Variants in GTF2E2 observed in about 807,000 individuals in gnomAD.
The protein encoded by GTF2E2 is transcription initiation factor IIE subunit beta.
A neutral mutation model predicts 40.5 loss-of-function variants in GTF2E2; 21 were observed. The ratio of observed to expected loss-of-function variants is 0.52; its 90% CI spans 0.37 to 0.75. The LOEUF (loss-of-function observed/expected upper bound fraction) is 0.75, where lower values mean the gene tolerates loss of function less well. GTF2E2 is among the 30% of genes least tolerant of loss of function. The pLI, the probability that GTF2E2 is intolerant of heterozygous loss-of-function variation, is 0.00. For missense variants in GTF2E2, 298 were observed against 338.4 expected, an observed-to-expected ratio of 0.88 and a Z score of 0.94; for synonymous variants, 117 against 121.6, an observed-to-expected ratio of 0.96 and a Z score of 0.25.
chr8:30,638,191 C>A (rs1421191087), intron 2 of GTF2E2, among the ~76,000 whole-genome samples: 1 of 151,988 alleles, frequency 6.6e-6, no homozygotes, highest in Non-Finnish European at 1.5e-5. Context: ...AAAGGAAGAA[C>A]AAGAAAAATT....
At chr8:30,642,487 AATAAT>A (rs1374879199) in intron 2 of GTF2E2, among the ~76,000 whole-genome samples, 2 of 152,168 alleles carry the variant, frequency 1.3e-5, no homozygotes, top group African/African-American at 2.4e-5. Flanking sequence ...GTTTCAAATA[AATAAT>A]ATATTTAAAT....
intron 2 of GTF2E2, among the ~76,000 whole-genome samples, chr8:30,642,129 T>G (rs758424045): frequency 9.2e-5 from 14 of 152,218 alleles, no homozygotes; most frequent in Non-Finnish European, 2.1e-4. Context: ...AAAGTAAGTT[T>G]ATTAAGAAAG....
intron 3 of GTF2E2, among the ~76,000 whole-genome samples, chr8:30,619,270 C>A (rs1158099793): frequency 6.6e-6 from 1 of 152,062 alleles, no homozygotes; most frequent in Non-Finnish European, 1.5e-5. Flanking sequence ...ACTTTGAGTG[C>A]TGTTTTATAA....
intron 6 of GTF2E2, among the ~76,000 whole-genome samples, chr8:30,593,550 T>C (rs554764472): frequency 3.3e-5 from 5 of 152,386 alleles, no homozygotes; most frequent in African/African-American, 1.2e-4. Context: ...TGGAGTGCAG[T>C]GGCACAGTCA....
chr8:30,639,477 ATAAAC>A (rs1250483724), intron 2 of GTF2E2, among the ~76,000 whole-genome samples: 2 of 152,180 alleles, frequency 1.3e-5, no homozygotes, highest in African/African-American at 4.8e-5. Flanking sequence ...AGTCCTTTTG[ATAAAC>A]TGCATTTTAA....
At chr8:30,595,649 G>T (rs1261047863) in intron 6 of GTF2E2, among the ~76,000 whole-genome samples, 1 of 152,108 alleles carries the variant, frequency 6.6e-6, no homozygotes. Context: ...TGGCAACATG[G>T]TGAAACCCCA....
chr8:30,608,480 T>C (rs1399637970), intron 5 of GTF2E2, among the ~76,000 whole-genome samples: 2 of 152,234 alleles, frequency 1.3e-5, no homozygotes, highest in African/African-American at 4.8e-5. Context: ...AAATCTCTAA[T>C]AAAGCTGTTT....
At chr8:30,598,641 C>T (rs928767072) in intron 6 of GTF2E2, among the ~76,000 whole-genome samples, 5 of 152,128 alleles carry the variant, frequency 3.3e-5, no homozygotes, top group African/African-American at 9.7e-5. Context: ...ATGACATCTA[C>T]TATGTAAATC....
intron 2 of GTF2E2, among the ~76,000 whole-genome samples, chr8:30,643,226 G>A (rs1048025130): frequency 6.6e-6 from 1 of 152,114 alleles, no homozygotes; most frequent in Non-Finnish European, 1.5e-5. Context: ...TAAAAATAGA[G>A]TCCTCACCAT....
At chr8:30,632,484 A>G (rs114831161) in intron 3 of GTF2E2, among the ~76,000 whole-genome samples, 6 of 152,350 alleles carry the variant, frequency 3.9e-5, no homozygotes, top group African/African-American at 1.4e-4. Flanking sequence ...TAAAAATTGA[A>G]TAAGCTAAAC....
chr8:30,615,858 C>A (rs191954107), intron 3 of GTF2E2, among the ~76,000 whole-genome samples: 4 of 152,200 alleles, frequency 2.6e-5, no homozygotes, highest in South Asian at 4.2e-4. Flanking sequence ...TATGTACATA[C>A]AAAAATCCAC....
At chr8:30,625,607 C>T (rs1012502763) in intron 3 of GTF2E2, among the ~76,000 whole-genome samples, 2 of 151,970 alleles carry the variant, frequency 1.3e-5, no homozygotes, top group African/African-American at 4.8e-5. Context: ...AGGGCACTGT[C>T]TGTTGTTTTT....
chr8:30,657,609 C>T (rs1450046638), intron 1 of GTF2E2: 1 of 152,182 alleles, frequency 6.6e-6, no homozygotes, highest in African/African-American at 2.4e-5. Context: ...AAGCAGTCCG[C>T]GTATGAGCAT....
At chr8:30,609,383 A>G (rs1829419724) in intron 5 of GTF2E2, among the ~76,000 whole-genome samples, 2 of 152,156 alleles carry the variant, frequency 1.3e-5, no homozygotes, top group Non-Finnish European at 2.9e-5. Context: ...CCAAAATTTG[A>G]AAAAAATCCC....
chr8:30,636,384 T>C (rs1458703018), intron 2 of GTF2E2, among the ~76,000 whole-genome samples: 1 of 152,134 alleles, frequency 6.6e-6, no homozygotes, highest in Non-Finnish European at 1.5e-5. Context: ...AAGATTGCAT[T>C]AGAACAACCA....
chr8:30,602,392 G>A (rs1321180053), intron 6 of GTF2E2, among the ~76,000 whole-genome samples: 1 of 151,990 alleles, frequency 6.6e-6, no homozygotes, highest in Non-Finnish European at 1.5e-5. Context: ...ATTACACTTA[G>A]GGTATTACAC....
chr8:30,635,149 C>T (rs777705439), intron 2 of GTF2E2, 26 bp from the exon 3 acceptor site: 5 of 1,242,592 alleles, frequency 4.0e-6, no homozygotes, highest in Non-Finnish European at 5.9e-6. Context: ...AAAATAACAT[C>T]GTCATATTAT....
intron 2 of GTF2E2, among the ~76,000 whole-genome samples, chr8:30,640,223 A>G (rs1801765221): frequency 6.6e-6 from 1 of 152,208 alleles, no homozygotes; most frequent in African/African-American, 2.4e-5. Context: ...TTAACTGATC[A>G]CATTTCAAAG....
At chr8:30,609,266 A>AG (rs1407117415) in intron 5 of GTF2E2, among the ~76,000 whole-genome samples, 5 of 28,310 alleles carry the variant, frequency 1.8e-4, no homozygotes, top group Non-Finnish European at 3.5e-4. Context: ...ACTCCGCCTC[A>AG]AAAAAAAAAA....
Sources: gnomAD v4.1 joint callset for allele counts (sites outside exome capture counted in the v4.1 genomes callset) on GRCh38, gnomAD v4.1.1 for gene constraint, MANE v1.5 for transcripts, NCBI Gene and HGNC (gene_info 2026-07-23, HGNC 2026-07-21) for gene names.